ZFAND6: variants seen among roughly 807,000 people sequenced by gnomAD.
The protein encoded by ZFAND6 is AN1-type zinc finger protein 6.
A neutral mutation model predicts 24.5 loss-of-function variants in ZFAND6; 12 were observed. That is an observed-to-expected ratio of 0.49 (90% CI 0.31 to 0.79). The LOEUF (loss-of-function observed/expected upper bound fraction) is 0.79. ZFAND6 is among the 30% of genes least tolerant of loss of function. ZFAND6 has a pLI of 0.04. For synonymous variants in ZFAND6, 92 were observed against 81.5 expected, an observed-to-expected ratio of 1.13 and a Z score of -0.69; for missense variants, 207 against 245.9, an observed-to-expected ratio of 0.84 and a Z score of 1.06.
chr15:80,064,509 C>T (rs974466606), intron 1 of ZFAND6, among the ~76,000 whole-genome samples: 1 of 151,864 alleles, frequency 6.6e-6, no homozygotes, highest in Admixed American at 6.6e-5. Context: ...ATTTGTGATA[C>T]CCTTTTAAAC....
intron 1 of ZFAND6, among the ~76,000 whole-genome samples, chr15:80,081,565 A>T (rs2037671058): frequency 6.6e-6 from 1 of 152,178 alleles, no homozygotes; most frequent in Non-Finnish European, 1.5e-5. Context: ...CAGCAAAGGG[A>T]AGTGAGGTAC....
chr15:80,116,063 A>G (rs1352980677), intron 2 of ZFAND6, among the ~76,000 whole-genome samples: 1 of 129,100 alleles, frequency 7.7e-6, no homozygotes, highest in Non-Finnish European at 1.7e-5. Context: ...TTTTTTCTCT[A>G]TTTTTTCCCT....
chr15:80,100,169 GT>G lies in ZFAND6; in HGVS notation c.-18+1595del, dbSNP rs368798036. Among the ~76,000 whole-genome samples, 317 of 152,274 alleles carry G rather than the reference GT, an allele frequency of 2.1e-3. 1 individual carries two copies. Among genetic ancestry groups the G allele is most frequent in the African/African-American group, 7.0e-3 (292 of 41,562 alleles). ...TGATTACAAGGCTCACTTTAATGCA[GT>G]TTTAGGGTCTGTAAAACGAAATTTA... On this transcript the variant is annotated intron_variant, in intron 2 of 6. Transcript: ENST00000261749.
chr15:80,132,478 A>G (rs1021062430), intron 6 of ZFAND6, among the ~76,000 whole-genome samples: 2 of 152,242 alleles, frequency 1.3e-5, no homozygotes, highest in Admixed American at 6.5e-5. Flanking sequence ...GTATTAAGTG[A>G]GAGTGGCAAA....
At chr15:80,066,969 A>G (rs185992706) in intron 1 of ZFAND6, among the ~76,000 whole-genome samples, 24 of 152,204 alleles carry the variant, frequency 1.6e-4, no homozygotes, top group Non-Finnish European at 3.1e-4. Flanking sequence ...TGCTGCTCCA[A>G]AGCTTGTCCT....
At chr15:80,099,291 G>A (rs564572758) in intron 2 of ZFAND6, among the ~76,000 whole-genome samples, 10 of 152,110 alleles carry the variant, frequency 6.6e-5, no homozygotes, top group African/African-American at 2.4e-4. Flanking sequence ...TTTTCTTTAT[G>A]GATTTAGGAG....
At chr15:80,087,130 A>T (rs1201732917) in intron 1 of ZFAND6, among the ~76,000 whole-genome samples, 1 of 152,238 alleles carries the variant, frequency 6.6e-6, no homozygotes, top group African/African-American at 2.4e-5. Flanking sequence ...ACATTTGCGT[A>T]CAAGTGTGTG....
chr15:80,111,527 ATCTT>A (rs1299013184), intron 2 of ZFAND6: 1 of 455,912 alleles, frequency 2.2e-6, no homozygotes, highest in Non-Finnish European at 4.4e-6. Context: ...TCTAGAATCT[ATCTT>A]CAGATGCAAA....
At chr15:80,069,387 G>A (rs988066689) in intron 1 of ZFAND6, among the ~76,000 whole-genome samples, 10 of 152,012 alleles carry the variant, frequency 6.6e-5, no homozygotes, top group Non-Finnish European at 1.2e-4. Context: ...GCAATGTACT[G>A]TTTTTTTGTA....
chr15:80,115,547 G>T (rs2039835335), intron 2 of ZFAND6, among the ~76,000 whole-genome samples: 1 of 152,282 alleles, frequency 6.6e-6, no homozygotes, highest in East Asian at 1.9e-4. Flanking sequence ...AGGACTTCCA[G>T]TTTCTTCATA....
At chr15:80,108,600 A>G (rs2039454382) in intron 2 of ZFAND6, among the ~76,000 whole-genome samples, 1 of 152,234 alleles carries the variant, frequency 6.6e-6, no homozygotes, top group South Asian at 2.1e-4. Flanking sequence ...ATTCACTGCA[A>G]CTTAATTTTA....
chr15:80,076,524 G>A (rs973447856), intron 1 of ZFAND6, among the ~76,000 whole-genome samples: 1 of 152,024 alleles, frequency 6.6e-6, no homozygotes, highest in African/African-American at 2.4e-5. Flanking sequence ...GTTTTTCTCT[G>A]CTTCATATTC....
At chr15:80,061,712 TTTTTA>T (rs1231405666) in intron 1 of ZFAND6, among the ~76,000 whole-genome samples, 1 of 152,236 alleles carries the variant, frequency 6.6e-6, no homozygotes, top group Non-Finnish European at 1.5e-5. Context: ...TTTTTATTGT[TTTTTA>T]TTTTGTTTTG....
intron 2 of ZFAND6, among the ~76,000 whole-genome samples, chr15:80,118,056 ATG>A (rs2039970082): frequency 6.6e-6 from 1 of 150,414 alleles, no homozygotes; most frequent in African/African-American, 2.4e-5. Context: ...ATATACATAT[ATG>A]TATACATATG....
intron 1 of ZFAND6, among the ~76,000 whole-genome samples, chr15:80,069,607 A>AT (rs1175063868): frequency 5.9e-5 from 9 of 151,512 alleles, no homozygotes; most frequent in East Asian, 1.9e-4. Context: ...CCAGGGAAAT[A>AT]TTTTTTTTAT....
At position 80,097,604 on chromosome 15, in the gene ZFAND6, G is replaced by A. The variant is rs185105772; in HGVS notation, c.-180-812G>A. Among the ~76,000 whole-genome samples, 323 of 152,166 alleles carry A rather than the reference G, an allele frequency of 2.1e-3. 1 individual carries two copies. The highest frequency in any genetic ancestry group is 2.6e-3 in the Non-Finnish European group (180 of 68,002). On this transcript the variant is annotated intron_variant, in intron 1 of 6. Coordinates refer to ENST00000261749, the MANE Select transcript of ZFAND6 (RefSeq NM_019006.4). Reference sequence around the variant, plus strand: ...GCAGAGGTTGCAGTGAGCCAAGATCGCACCATTGCATGCACTCCAGCCTGG... The same window carrying A: ...GCAGAGGTTGCAGTGAGCCAAGATCACACCATTGCATGCACTCCAGCCTGG...
At chr15:80,095,833 G>A (rs1253208486) in intron 1 of ZFAND6, among the ~76,000 whole-genome samples, 1 of 152,040 alleles carries the variant, frequency 6.6e-6, no homozygotes, top group African/African-American at 2.4e-5. Context: ...TTTTCGATAG[G>A]TTACTTGCTT....
At chr15:80,074,173 A>G (rs757130360) in intron 1 of ZFAND6, among the ~76,000 whole-genome samples, 1 of 151,934 alleles carries the variant, frequency 6.6e-6, no homozygotes, top group Non-Finnish European at 1.5e-5. Context: ...GCCTATTTTC[A>G]ACACCACTTT....
intron 2 of ZFAND6, among the ~76,000 whole-genome samples, chr15:80,110,634 A>AT (rs2039560864): frequency 6.6e-6 from 1 of 152,066 alleles, no homozygotes; most frequent in Non-Finnish European, 1.5e-5. Flanking sequence ...ATAATTTAGA[A>AT]TAGGATAGAG....
Sources: allele counts gnomAD v4.1 joint callset (sites outside exome capture counted in the v4.1 genomes callset), GRCh38; gene constraint gnomAD v4.1.1; transcripts MANE v1.5; gene names NCBI Gene and HGNC (gene_info 2026-07-23, HGNC 2026-07-21).